Variants in TRIM49C observed in about 807,000 individuals in gnomAD.
TRIM49C encodes tripartite motif-containing protein 49C.
Under a neutral mutation model 21.4 loss-of-function variants are expected in TRIM49C, and 6 were observed. The observed-to-expected ratio is 0.28, with a 90% CI of 0.15 to 0.55. The LOEUF is 0.55. TRIM49C is among the 20% of genes least tolerant of loss of function. TRIM49C has a pLI of 0.94. For synonymous variants in TRIM49C, 57 were observed against 148.1 expected (o/e 0.38, Z 4.47); for missense variants, 161 against 442.4 (o/e 0.36, Z 5.71).
chr11:90,052,665 C>T, the TRIM49C span: 1 of 143,526 alleles, frequency 7.0e-6, no homozygotes, highest in Non-Finnish European at 1.5e-5. Context: ...TGGCGACATC[C>T]CACGGCAGGG....
At chr11:90,054,675 A>G in the TRIM49C span, among the ~76,000 whole-genome samples, 1,975 of 131,894 alleles carry the variant, frequency 0.015, 87 homozygotes, top group African/African-American at 0.052. Flanking sequence ...ATTTATTTCA[A>G]TTGTAAGTAA....
At chr11:90,033,735 G>C (rs1467598196) in intron 2 of TRIM49C, among the ~76,000 whole-genome samples, 1 of 133,502 alleles carries the variant, frequency 7.5e-6, no homozygotes, top group Non-Finnish European at 1.6e-5. Context: ...CTTGAGGCCA[G>C]AAGTTCAAGT....
the TRIM49C span, chr11:90,063,127 A>G: frequency 3.7e-4 from 212 of 578,284 alleles, 29 homozygotes; most frequent in Non-Finnish European, 5.2e-4. Flanking sequence ...ATGTCGAATA[A>G]GTTAGCTCCA....
chr11:90,031,619 A>G (rs1222355462), intron 1 of TRIM49C, among the ~76,000 whole-genome samples: 3 of 151,646 alleles, frequency 2.0e-5, no homozygotes, highest in African/African-American at 7.2e-5. Context: ...TAGTCATTGT[A>G]GGACATCATG....
downstream of TRIM49C, among the ~76,000 whole-genome samples, chr11:90,046,825 G>C (rs1167837877): frequency 8.1e-6 from 1 of 123,690 alleles, no homozygotes; most frequent in East Asian, 2.6e-4. Context: ...GAATGTGTTT[G>C]CTCTTGCTTC....
At position 90,036,014 on chromosome 11, in the gene TRIM49C, G is replaced by C. The variant is rs547210681; in HGVS notation, c.507+31G>C. 553 of 530,586 alleles carry C rather than the reference G, an allele frequency of 1.0e-3. 132 individuals are homozygous for C. In the East Asian group the frequency reaches 0.014, roughly 13 times the overall value. 32.9% of individuals were successfully genotyped at this position (530,586 alleles called of 1,614,324 possible). On this transcript the variant is annotated intron_variant, in intron 4 of 7. Transcript: ENST00000448984. ...TCCTGTACTACTCTACCTTCTCCAGGAACTTATGGTGGGCAAATGGGTGAC... is the reference window on the plus strand; with the variant it reads ...TCCTGTACTACTCTACCTTCTCCAGCAACTTATGGTGGGCAAATGGGTGAC...
chr11:90,045,275 A>C (rs1000978175), downstream of TRIM49C, among the ~76,000 whole-genome samples: 1 of 104,460 alleles, frequency 9.6e-6, no homozygotes, highest in South Asian at 4.1e-4. Context: ...TTTTGGTTCC[A>C]CATGAACTTT....
At chr11:90,048,590 T>C in the TRIM49C span, among the ~76,000 whole-genome samples, 1 of 133,808 alleles carries the variant, frequency 7.5e-6, no homozygotes, top group Non-Finnish European at 1.6e-5. Flanking sequence ...CATCACGTAG[T>C]TCTCCTGCCA....
chr11:90,060,478 C>G, the TRIM49C span, among the ~76,000 whole-genome samples: 131 of 152,124 alleles, frequency 8.6e-4, no homozygotes, highest in African/African-American at 3.0e-3. Context: ...GAAAGGAGCT[C>G]AGCAAGAGAA....
At chr11:90,053,705 C>G in the TRIM49C span, 2 of 147,330 alleles carry the variant, frequency 1.4e-5, no homozygotes, top group Non-Finnish European at 3.0e-5. Flanking sequence ...GCCCCGCCAC[C>G]CTGCGGCCGA....
rs1250552776 is a variant in TRIM49C at position 90,034,954 on chromosome 11, A to C, written c.-4-254A>C. ...CTATGTTCAGAAAATGGGTAGTTGA[A>C]TAGGTTTGTATTATGCTACAGACAG... On this transcript the variant is annotated intron_variant, in intron 2 of 7. Transcript: ENST00000448984. 1.5e-5 allele frequency among the ~76,000 whole-genome samples: 2 copies of C among 136,822 alleles called. 1 individual carries two copies. The highest frequency in any genetic ancestry group is 3.2e-5 in the Non-Finnish European group (2 of 63,394). 89.8% of individuals were successfully genotyped at this position (136,822 alleles called of 152,430 possible).
chr11:90,055,790 A>T, the TRIM49C span, among the ~76,000 whole-genome samples: 73 of 146,532 alleles, frequency 5.0e-4, 6 homozygotes, highest in Admixed American at 2.8e-4. Context: ...TGAAGATGTC[A>T]GTTTTCTTCT....
In TRIM49C at chr11:90,041,202, C is replaced by G; in HGVS notation, c.1011C>G (p.Thr337=). 1 of 1,596,294 alleles carries G rather than the reference C, an allele frequency of 6.3e-7. No homozygotes were observed. Among genetic ancestry groups the G allele is most frequent in the South Asian group, 1.1e-5 (1 of 89,212 alleles). ...SFLAWGVQTF[T]SGKYYWEVHV... ...TTGCATGGGGTGTTCAGACTTTCAC[C>G]TCGGGCAAATATTACTGGGAGGTCC... The change falls in exon 8 of 8, where the codon ACC becomes ACG. Residue 337 remains threonine (T), a synonymous_variant. Transcript: ENST00000448984.
intron 6 of TRIM49C, among the ~76,000 whole-genome samples, chr11:90,039,166 G>A (rs1264698109): frequency 4.5e-5 from 6 of 132,748 alleles, no homozygotes; most frequent in Non-Finnish European, 6.4e-5. Context: ...TGATCCGCCC[G>A]CCTCGGCCTC....
chr11:90,057,885 A>G, the TRIM49C span: 2 of 1,466,498 alleles, frequency 1.4e-6, no homozygotes, highest in South Asian at 1.3e-5. Flanking sequence ...ATCTCGACAG[A>G]CTCCCAGAAT....
At chr11:90,055,042 G>C in the TRIM49C span, among the ~76,000 whole-genome samples, 2 of 148,710 alleles carry the variant, frequency 1.3e-5, no homozygotes, top group African/African-American at 2.5e-5. Flanking sequence ...TCAAAAAAAG[G>C]AGTGCTGGGT....
At chr11:90,056,562 T>C in the TRIM49C span, among the ~76,000 whole-genome samples, 1 of 89,140 alleles carries the variant, frequency 1.1e-5, no homozygotes, top group African/African-American at 4.2e-5. Flanking sequence ...TTATGTCTTA[T>C]CTTTTGATAG....
chr11:90,055,964 T>A, the TRIM49C span, among the ~76,000 whole-genome samples: 1 of 127,098 alleles, frequency 7.9e-6, no homozygotes, highest in African/African-American at 2.8e-5. Flanking sequence ...TTCTTTTTTT[T>A]TTTTTTTTTT....
At chr11:90,056,926 TAA>T in the TRIM49C span, among the ~76,000 whole-genome samples, 1 of 148,422 alleles carries the variant, frequency 6.7e-6, no homozygotes. Context: ...TGAGAAATAA[TAA>T]AGTCTGTGAG....
Sources: allele counts gnomAD v4.1 joint callset (sites outside exome capture counted in the v4.1 genomes callset), GRCh38; gene constraint gnomAD v4.1.1; transcripts MANE v1.5; gene names NCBI Gene and HGNC (gene_info 2026-07-23, HGNC 2026-07-21).